Variants in DNAJC16 observed in about 807,000 individuals in gnomAD.
DNAJC16 encodes DnaJ heat shock protein family (Hsp40) member C16, also known as dnaJ homolog subfamily C member 16.
In DNAJC16, 76 loss-of-function variants were observed where a neutral mutation model predicts 92.7. The observed-to-expected ratio is 0.82, with a 90% CI of 0.68 to 0.99. The LOEUF is 0.99. Ranked by LOEUF, DNAJC16 falls within the 50% of genes least tolerant of loss-of-function variation. DNAJC16 has a pLI of 0.00. For missense variants in DNAJC16, 869 were observed against 942.4 expected (o/e 0.92, Z 1.02); for synonymous variants, 328 against 358.7 (o/e 0.91, Z 0.97).
chr1:15,551,823 A>G (rs1041406711), intron 7 of DNAJC16, among the ~76,000 whole-genome samples: 12 of 151,896 alleles, frequency 7.9e-5, no homozygotes, highest in African/African-American at 2.9e-4. Context: ...ATCTGAATTC[A>G]GGAGTTCAAG....
chr1:15,551,601 G>GTT (rs67556735), intron 7 of DNAJC16, among the ~76,000 whole-genome samples: 9 of 142,592 alleles, frequency 6.3e-5, no homozygotes, highest in African/African-American at 1.8e-4. Flanking sequence ...AAGTGATGTG[G>GTT]TTTTTTTTTT....
intron 13 of DNAJC16, chr1:15,566,449 C>A (rs1290475237): frequency 6.7e-6 from 3 of 448,872 alleles, no homozygotes; most frequent in Non-Finnish European, 8.0e-6. Context: ...CGTGGTTTAT[C>A]CCTGTAAATG....
intron 7 of DNAJC16, among the ~76,000 whole-genome samples, chr1:15,558,850 C>T (rs553685383): frequency 6.6e-6 from 1 of 152,248 alleles, no homozygotes; most frequent in South Asian, 2.1e-4. Context: ...TTTAATTGCC[C>T]AGTTCGCTAC....
intron 4 of DNAJC16, among the ~76,000 whole-genome samples, chr1:15,543,456 G>C (rs1710982004): frequency 6.6e-6 from 1 of 152,228 alleles, no homozygotes; most frequent in South Asian, 2.1e-4. Flanking sequence ...GCTGTTGGAG[G>C]AGTGGAAGAA....
intron 6 of DNAJC16, 44 bp downstream of exon 6, chr1:15,546,915 C>CTTTTTTT (rs76961003): frequency 2.7e-4 from 248 of 907,212 alleles, no homozygotes; most frequent in South Asian, 1.0e-3. Context: ...CTTTTCTTTT[C>CTTTTTTT]TTTTTTTTTT....
intron 4 of DNAJC16, among the ~76,000 whole-genome samples, chr1:15,537,291 G>T (rs1442588070): frequency 6.6e-6 from 1 of 152,188 alleles, no homozygotes; most frequent in East Asian, 1.9e-4. Flanking sequence ...GAAGGGGGTT[G>T]GAAGTCAGCT....
Position 15,544,455 on chromosome 1 carries a change from G to C in DNAJC16, c.631G>C (p.Gly211Arg), listed in dbSNP as rs779216667. 2.5e-6 allele frequency: 4 copies of C among 1,614,102 alleles called. No individual in the cohort carries two copies. The highest frequency in any genetic ancestry group is 3.4e-6 in the Non-Finnish European group (4 of 1,179,974). Residue 211 changes from glycine to arginine, a missense_variant, in exon 5 of 15, where the codon GGG (glycine) becomes CGG (arginine). By Grantham distance (125) the Gly-to-Arg change is moderately radical (BLOSUM62 -2). Transcript: ENST00000375847. ...GYERRLAHHL[G>R]AHSTPSILGI... ...TGAGAGACGCCTGGCCCATCACCTA[G>C]GGGCACACAGCACGCCCTCTATCCT...
Position 15,570,050 on chromosome 1 carries a change from C to G in DNAJC16, c.*1873C>G, listed in dbSNP as rs939042265. The G allele has an allele frequency of 6.6e-6, 1 of 152,546 alleles. No individual in the cohort carries two copies. Among genetic ancestry groups the G allele is most frequent in the African/African-American group, 2.4e-5 (1 of 41,418 alleles). The allele number at this position is 152,546 out of a possible 1,614,324, so 9.4% of individuals were successfully genotyped here. ...TTGGTAAGTAATAAATTATTTAAGGCCAGGAATTCCTGTAGTTTTCATGGA... is the reference window on the plus strand; with the variant it reads ...TTGGTAAGTAATAAATTATTTAAGGGCAGGAATTCCTGTAGTTTTCATGGA... On this transcript the variant is annotated 3_prime_UTR_variant, in exon 15 of 15. Transcript: ENST00000375847.
At position 15,567,231 on chromosome 1, in the gene DNAJC16, A is replaced by G. The variant is rs766725264; in HGVS notation, c.1911A>G (p.Leu637=). The G allele has an allele frequency of 1.4e-5, 22 of 1,613,850 alleles. No individual in the cohort carries two copies. The highest frequency in any genetic ancestry group is 1.8e-5 in the Non-Finnish European group (21 of 1,179,940). Residue 637 remains leucine (L), a synonymous_variant, in exon 14 of 15, where the codon CTA becomes CTG. Coordinates refer to ENST00000375847, the MANE Select transcript of DNAJC16 (RefSeq NM_015291.4). ...TGTCGAATTCTACCAAGACCAGCCT[A>G]CTACAGAAATTTGCTTTGGAGGTCT... ...LILSNSTKTS[L]LQKFALEVYT...
Position 15,544,472 on chromosome 1 carries a change from C to T in DNAJC16, c.648C>T (p.Pro216=), listed in dbSNP as rs535795316. Residue 216 remains proline, a synonymous_variant, in exon 5 of 15, where the codon CCC becomes CCT. Transcript: ENST00000375847. ...ATCACCTAGGGGCACACAGCACGCC[C>T]TCTATCCTAGGAATCATTAACGGGA... ...LAHHLGAHST[P]SILGIINGKI... 5.6e-6 allele frequency: 9 copies of T among 1,614,132 alleles called. No homozygotes were observed. In the South Asian group the frequency reaches 9.9e-5, roughly 18 times the overall value.
chr1:15,536,329 C>G, intron 3 of DNAJC16, 146 bp from the exon 4 acceptor site: 1 of 629,124 alleles, frequency 1.6e-6, no homozygotes. Context: ...ATCCACCCGC[C>G]TCAGCCTCCC....
chr1:15,559,425 A>G lies in DNAJC16; in HGVS notation c.1024-101A>G, dbSNP rs1638642328. ...CTTGTTTGGTTATATTACTTTAGCCAAGGTCAGCTACGTTTTTATTAAGCT... is the reference window on the plus strand; with the variant it reads ...CTTGTTTGGTTATATTACTTTAGCCGAGGTCAGCTACGTTTTTATTAAGCT... On this transcript the variant is annotated intron_variant, in intron 7 of 14. Transcript: ENST00000375847. The G allele has an allele frequency of 2.0e-6, 3 of 1,518,790 alleles. No individual in the cohort carries two copies. In the African/African-American group the frequency reaches 4.2e-5, roughly 21 times the overall value. 94.1% of individuals were successfully genotyped at this position (1,518,790 alleles called of 1,614,324 possible). A position where few individuals can be genotyped will look rare whatever the true frequency, so the allele number is the denominator to read the frequency against.
In DNAJC16 at chr1:15,562,285, C is replaced by G; in HGVS notation, c.1298C>G (p.Thr433Ser). 6.2e-7 allele frequency: 1 copy of G among 1,613,972 alleles called. No homozygotes were observed. Among genetic ancestry groups the G allele is most frequent in the Non-Finnish European group, 8.5e-7 (1 of 1,179,888 alleles). ...YSNRQQEFAD[T>S]LLPDSEAFQG... ...AATCGGCAGCAGGAGTTTGCCGACA[C>G]CTTACTACCAGACAGTGAGGCGTTT... Residue 433 changes from threonine (T) to serine (S), a missense_variant, in exon 9 of 15, where the codon ACC becomes AGC. By Grantham distance (58) the Thr-to-Ser change is moderately conservative (BLOSUM62 1). Transcript: ENST00000375847.
intron 7 of DNAJC16, among the ~76,000 whole-genome samples, chr1:15,556,542 CT>C (rs2103421736): frequency 1.3e-5 from 2 of 152,328 alleles, no homozygotes; most frequent in African/African-American, 4.8e-5. Flanking sequence ...GAAACAAAAA[CT>C]TTGTATCATC....
Position 15,568,678 on chromosome 1 carries a change from C to T in DNAJC16, c.*501C>T. 7.5e-6 allele frequency: 3 copies of T among 399,216 alleles called. No homozygotes were observed. Among genetic ancestry groups the T allele is most frequent in the Non-Finnish European group, 1.3e-5 (3 of 226,534 alleles). 24.7% of individuals were successfully genotyped at this position (399,216 alleles called of 1,614,324 possible). ...TTCTAGCCCCGCATCTGGAAAAAGG[C>T]CCCTTTCCAAGCAATCTCACGTTTA... On this transcript the variant is annotated 3_prime_UTR_variant, in exon 15 of 15. Transcript: ENST00000375847.
Position 15,562,158 on chromosome 1 carries a change from T to C in DNAJC16, c.1171T>C (p.Leu391=). Residue 391 remains leucine, a synonymous_variant, in exon 9 of 15, where the codon TTG becomes CTG. Coordinates refer to ENST00000375847, the MANE Select transcript of DNAJC16 (RefSeq NM_015291.4). The part of the protein sequence containing the change: ...HRQRKYCVVL[L]TAETTKLSKP... ...GTTGTGCAGGTACTGTGTGGTTTTA[T>C]TGACTGCTGAGACTACCAAGTTGAG... The C allele has an allele frequency of 1.9e-6, 3 of 1,613,912 alleles. No individual in the cohort carries two copies. Among genetic ancestry groups the C allele is most frequent in the Non-Finnish European group, 2.5e-6 (3 of 1,179,820 alleles).
intron 7 of DNAJC16, among the ~76,000 whole-genome samples, chr1:15,558,003 C>T (rs1421985200): frequency 6.6e-6 from 1 of 151,780 alleles, no homozygotes; most frequent in Non-Finnish European, 1.5e-5. Flanking sequence ...GCCTCAGCCT[C>T]CTGAGTAGCT....
rs779303862 is a variant in DNAJC16 at position 15,548,352 on chromosome 1, G to A, written c.947G>A (p.Arg316Gln). ...GLRGTEEMTR[R>Q]YNINIYAPTL... is the part of the protein sequence containing the mutation. ...AGAGGGACGGAAGAGATGACAAGGC[G>A]GTACAACATCAATATCTACGCCCCT... Residue 316 changes from arginine (R) to glutamine (Q), a missense_variant, in exon 7 of 15, where the codon CGG (arginine) becomes CAG (glutamine). Arg to Gln is a conservative substitution (Grantham distance 43). Transcript: ENST00000375847. The A allele has an allele frequency of 4.1e-5, 66 of 1,613,948 alleles. No homozygotes were observed. Among genetic ancestry groups the A allele is most frequent in the Middle Eastern group, 1.6e-4 (1 of 6,084 alleles).
intron 8 of DNAJC16, among the ~76,000 whole-genome samples, chr1:15,560,747 CA>C (rs1190117872): frequency 2.0e-5 from 3 of 152,082 alleles, no homozygotes; most frequent in African/African-American, 4.8e-5. Flanking sequence ...ACACAGCCTT[CA>C]AAAAATATCC....
Sources: gnomAD v4.1 joint callset for allele counts (sites outside exome capture counted in the v4.1 genomes callset) on GRCh38, gnomAD v4.1.1 for gene constraint, MANE v1.5 for transcripts, NCBI Gene and HGNC (gene_info 2026-07-23, HGNC 2026-07-21) for gene names.